Variants in PDCD11 observed in about 807,000 individuals in gnomAD.
PDCD11 encodes programmed cell death 11, also known as protein RRP5 homolog.
PDCD11 carries 97 observed loss-of-function variants against 198.9 expected under a neutral mutation model. The observed-to-expected ratio is 0.49, with a 90% CI of 0.41 to 0.58. PDCD11 has a LOEUF of 0.58. PDCD11 is among the 20% of genes least tolerant of loss of function. The pLI, the probability that PDCD11 is intolerant of heterozygous loss-of-function variation, is 0.00. For synonymous variants in PDCD11, 893 were observed against 918.0 expected, an observed-to-expected ratio of 0.97 and a Z score of 0.49; for missense variants, 2,102 against 2,312.7, an observed-to-expected ratio of 0.91 and a Z score of 1.87.
chr10:103,423,164 G>GGTTGGTGGGAGGACCCTTT, intron 18 of PDCD11, 27 bp downstream of exon 18: 1 of 1,519,194 alleles, frequency 6.6e-7, no homozygotes, highest in Non-Finnish European at 8.8e-7. Flanking sequence ...TACCCATTGT[G>GGTTGGTGGGAGGACCCTTT]GTTGGTGGGA....
At position 103,445,844 on chromosome 10, in the gene PDCD11, G is replaced by T. The variant is rs1043782614; in HGVS notation, c.*295G>T. On this transcript the variant is annotated 3_prime_UTR_variant, in exon 36 of 36. Coordinates refer to ENST00000369797, the MANE Select transcript of PDCD11 (RefSeq NM_014976.2). Reference sequence around the variant, plus strand: ...AATGCTGAGGGTCCCTCTTCCAGGGGAGTTCCCTGGGGAGCAAGAGTAGAG... The same window carrying T: ...AATGCTGAGGGTCCCTCTTCCAGGGTAGTTCCCTGGGGAGCAAGAGTAGAG... The T allele has an allele frequency of 2.6e-5, 9 of 342,126 alleles. No individual in the cohort carries two copies. Among genetic ancestry groups the T allele is most frequent in the Non-Finnish European group, 4.9e-5 (9 of 182,940 alleles). 21.2% of individuals were successfully genotyped at this position (342,126 alleles called of 1,614,324 possible). A position where few individuals can be genotyped will look rare whatever the true frequency, so the allele number is the denominator to read the frequency against.
At chr10:103,417,502 A>G (rs141342976) in intron 13 of PDCD11, among the ~76,000 whole-genome samples, 19 of 152,344 alleles carry the variant, frequency 1.2e-4, no homozygotes, top group African/African-American at 4.1e-4. Context: ...CATGCTTACA[A>G]TGTGTAACGA....
At position 103,414,033 on chromosome 10, in the gene PDCD11, A is replaced by C; in HGVS notation, c.1253A>C (p.Lys418Thr). The change falls in exon 10 of 36, where the codon AAG (lysine) becomes ACG (threonine). Residue 418 changes from lysine (K) to threonine (T), a missense_variant. Coordinates refer to ENST00000369797, the MANE Select transcript of PDCD11 (RefSeq NM_014976.2). ...PEAFKPGNTH[K>T]CRIIDYSQMD... ...GCCTTCAAGCCAGGGAACACTCACA[A>C]GTGTAGAATTATTGACTACAGCCAA... The C allele has an allele frequency of 6.2e-7, 1 of 1,613,630 alleles. No individual in the cohort carries two copies. Among genetic ancestry groups the C allele is most frequent in the Non-Finnish European group, 8.5e-7 (1 of 1,179,846 alleles).
intron 1 of PDCD11, among the ~76,000 whole-genome samples, chr10:103,396,999 A>G (rs2093439557): frequency 6.6e-6 from 1 of 152,092 alleles, no homozygotes. Flanking sequence ...ATTATCAGCA[A>G]ACTAGACCCC....
At chr10:103,430,513 T>C (rs1207297378) in intron 21 of PDCD11, among the ~76,000 whole-genome samples, 2 of 152,222 alleles carry the variant, frequency 1.3e-5, no homozygotes, top group African/African-American at 4.8e-5. Context: ...ATGGTAATTC[T>C]ATTTTTAATA....
chr10:103,444,910 G>A (rs992774958), intron 35 of PDCD11, among the ~76,000 whole-genome samples: 1 of 152,198 alleles, frequency 6.6e-6, no homozygotes, highest in Non-Finnish European at 1.5e-5. Flanking sequence ...CAAGAGACTC[G>A]AGTTTCTCTC....
In PDCD11 at chr10:103,423,678, C is replaced by T. The variant is rs1390110714; in HGVS notation, c.2763+20C>T. On this transcript the variant is annotated intron_variant, in intron 19 of 35. Transcript: ENST00000369797. ...AGAAAGGTAAGCTTGCTCCTGACTTCCATTTCCATGGTTTCACATGATGTA... is the reference window on the plus strand; with the variant it reads ...AGAAAGGTAAGCTTGCTCCTGACTTTCATTTCCATGGTTTCACATGATGTA... 10 of 1,497,300 alleles carry T rather than the reference C, an allele frequency of 6.7e-6. No homozygotes were observed. The highest frequency in any genetic ancestry group is 9.3e-6 in the Non-Finnish European group (10 of 1,073,522). The allele number at this position is 1,497,300 out of a possible 1,614,324, so 92.8% of individuals were successfully genotyped here. A position where few individuals can be genotyped will look rare whatever the true frequency, so the allele number is the denominator to read the frequency against.
At chr10:103,405,409 C>CT (rs11403520) in intron 5 of PDCD11, 105,533 of 289,658 alleles carry the variant, frequency 0.36, 13,270 homozygotes, top group South Asian at 0.47. Flanking sequence ...GTCCAAATTT[C>CT]TTTTTTTTTT....
At chr10:103,412,344 G>A (rs941027638) in intron 8 of PDCD11, among the ~76,000 whole-genome samples, 13 of 131,392 alleles carry the variant, frequency 9.9e-5, no homozygotes, top group East Asian at 2.3e-4. Context: ...TTTTTGAGAC[G>A]GAGTCTTGCT....
rs552822058 is a variant in PDCD11, at chr10:103,403,551, G to A, written c.402+266G>A. ...GTAATATATAACAGAGAGAAGGCTA[G>A]TATGGCTAGGTAAGGAGAGCAAGAG... On this transcript the variant is annotated intron_variant, in intron 4 of 35. Transcript: ENST00000369797. 3.3e-5 allele frequency among the ~76,000 whole-genome samples: 5 copies of A among 152,320 alleles called. No individual in the cohort carries two copies. In the East Asian group the frequency reaches 7.7e-4, roughly 24 times the overall value.
Position 103,441,837 on chromosome 10 carries a change from C to G in PDCD11, c.4569C>G (p.Thr1523=), listed in dbSNP as rs762646975. 1 of 1,614,070 alleles carries G rather than the reference C, an allele frequency of 6.2e-7. No individual in the cohort carries two copies. The highest frequency in any genetic ancestry group is 8.5e-7 in the Non-Finnish European group (1 of 1,179,956). ...ETNVLPKEKQ[T]KPAEAPRLQL... ...CTGTGTTCCTCCAGGAGAAGCAAAC[C>G]AAGCCAGCAGAAGCGCCCCGGCTGC... Residue 1523 remains threonine (T), a synonymous_variant, in exon 31 of 36, where the codon ACC becomes ACG. Coordinates refer to ENST00000369797, the MANE Select transcript of PDCD11 (RefSeq NM_014976.2).
At chr10:103,445,247 A>T in intron 35 of PDCD11, 131 bp from the exon 36 acceptor site, 1 of 765,160 alleles carries the variant, frequency 1.3e-6, no homozygotes, top group Non-Finnish European at 2.2e-6. Context: ...TAATAAAGAT[A>T]ATGGTAGAAG....
intron 16 of PDCD11, among the ~76,000 whole-genome samples, 176 bp downstream of exon 16, chr10:103,419,884 G>T (rs1331812495): frequency 6.6e-6 from 1 of 151,806 alleles, no homozygotes; most frequent in Non-Finnish European, 1.5e-5. Flanking sequence ...CCGCCTCCTG[G>T]GCTCAAGCGA....
intron 7 of PDCD11, among the ~76,000 whole-genome samples, chr10:103,408,967 C>G (rs2030629671): frequency 6.6e-6 from 1 of 152,176 alleles, no homozygotes; most frequent in Non-Finnish European, 1.5e-5. Flanking sequence ...CTGGCAATCT[C>G]CACCCACGAG....
intron 20 of PDCD11, 103 bp from the exon 21 acceptor site, chr10:103,427,226 C>T (rs1005919229): frequency 1.5e-5 from 15 of 994,418 alleles, no homozygotes; most frequent in Non-Finnish European, 2.4e-5. Flanking sequence ...GAACAGGGTG[C>T]TTTTGTGAGC....
intron 8 of PDCD11, among the ~76,000 whole-genome samples, chr10:103,410,464 A>G (rs2030729162): frequency 6.6e-6 from 1 of 152,156 alleles, no homozygotes; most frequent in African/African-American, 2.4e-5. Context: ...TTAAACAGCA[A>G]AAGGTGATTT....
chr10:103,440,110 ATTT>A (rs1283811564), intron 28 of PDCD11, among the ~76,000 whole-genome samples, 177 bp from the exon 29 acceptor site: 2 of 152,132 alleles, frequency 1.3e-5, no homozygotes, highest in Admixed American at 6.5e-5. Context: ...TACCCCCTGT[ATTT>A]TTCTACTAAG....
In PDCD11 at chr10:103,433,999, G is replaced by C. The variant is rs765338465; in HGVS notation, c.3526G>C (p.Gly1176Arg). The part of the protein sequence containing the change: ...LEVEIAPDIR[G>R]RIPLLLTSLS... The stretch of plus-strand genomic sequence containing the variant: ...GGTGGAGATTGCCCCAGACATCCGG[G>C]GGAGAATTCCCTTATTGCTCACTTC... Residue 1176 changes from glycine (G) to arginine (R), a missense_variant, in exon 23 of 36, where the codon GGG becomes CGG. Physicochemically the swap from Gly to Arg is moderately radical, Grantham distance 125. Coordinates refer to ENST00000369797, the MANE Select transcript of PDCD11 (RefSeq NM_014976.2). The C allele has an allele frequency of 6.2e-7, 1 of 1,614,116 alleles. No individual in the cohort carries two copies. The highest frequency in any genetic ancestry group is 1.7e-5 in the Admixed American group (1 of 60,028).
At chr10:103,435,096 T>G in intron 25 of PDCD11, 121 bp downstream of exon 25, 2 of 635,216 alleles carry the variant, frequency 3.1e-6, no homozygotes, top group Non-Finnish European at 4.8e-6. Flanking sequence ...AAAATGAAAA[T>G]TTCTGTAACC....
Sources: gnomAD v4.1 joint callset for allele counts (sites outside exome capture counted in the v4.1 genomes callset) on GRCh38, gnomAD v4.1.1 for gene constraint, MANE v1.5 for transcripts, NCBI Gene and HGNC (gene_info 2026-07-23, HGNC 2026-07-21) for gene names.